JRK: variants seen among roughly 807,000 people sequenced by gnomAD.
JRK encodes jerky protein homolog.
For missense variants in JRK, 720 were observed against 509.2 expected, an observed-to-expected ratio of 1.41 and a Z score of -3.98; for synonymous variants, 303 against 218.1, an observed-to-expected ratio of 1.39 and a Z score of -3.43.
downstream of JRK, among the ~76,000 whole-genome samples, chr8:142,652,806 A>G (rs928914318): frequency 6.6e-6 from 1 of 152,242 alleles, no homozygotes; most frequent in South Asian, 2.1e-4. Context: ...TAGCTGGAGA[A>G]GTGGAAGCTG....
Position 142,660,918 on chromosome 8 carries a change from G to A in JRK, c.*3434C>T. 1.0e-6 allele frequency: 1 copy of A among 985,440 alleles called. No individual in the cohort carries two copies. The highest frequency in any genetic ancestry group is 4.7e-5 in the South Asian group (1 of 21,282). The allele number at this position is 985,440 out of a possible 1,614,324, so 61.0% of individuals were successfully genotyped here. ...ACCTCCTCCAAATGGACTTTAACTG[G>A]GGACAACTGATGACAGTCCTCCAAC... On this transcript the variant is annotated 3_prime_UTR_variant, in exon 2 of 2. Transcript: ENST00000612905.
chr8:142,661,457 CAGT>C lies in JRK; in HGVS notation c.*2892_*2894del, dbSNP rs1846913480. 3.0e-6 allele frequency: 3 copies of C among 985,544 alleles called. No homozygotes were observed. Among genetic ancestry groups the C allele is most frequent in the Non-Finnish European group, 3.6e-6 (3 of 830,028 alleles). 61.0% of individuals were successfully genotyped at this position (985,544 alleles called of 1,614,324 possible). A position where few individuals can be genotyped will look rare whatever the true frequency, so the allele number is the denominator to read the frequency against. ...AGGGGTGCCACCCCAAAGATGAAGG[CAGT>C]GGTGGAAAGAGGTTCTATTAGCAGG... On this transcript the variant is annotated 3_prime_UTR_variant, in exon 2 of 2. Coordinates refer to ENST00000612905, the MANE Select transcript of JRK (RefSeq NM_003724.4).
chr8:142,646,455 C>T, the JRK span, among the ~76,000 whole-genome samples: 1 of 152,166 alleles, frequency 6.6e-6, no homozygotes, highest in Non-Finnish European at 1.5e-5. Context: ...AAATCAATAT[C>T]AGTGTCTTAT....
At chr8:142,654,826 G>T (rs1300491847), downstream of JRK, among the ~76,000 whole-genome samples, 1 of 151,798 alleles carries the variant, frequency 6.6e-6, no homozygotes, top group African/African-American at 2.4e-5. Flanking sequence ...AGCTGCCCCA[G>T]GCCCTCCTCA....
Position 142,663,172 on chromosome 8 carries a change from G to T in JRK, c.*1180C>A, listed in dbSNP as rs117093756. ...TGCCTCAAGAAAAGAAAAGGACAAT[G>T]CACCTATTTTATGCTCGCTGAAAGA... On this transcript the variant is annotated 3_prime_UTR_variant, in exon 2 of 2. Transcript: ENST00000612905. 49,482 of 985,132 alleles carry T rather than the reference G, an allele frequency of 0.05. 1,363 individuals are homozygous for T. Among genetic ancestry groups the T allele is most frequent in the Non-Finnish European group, 0.055 (45,717 of 829,696 alleles). The allele number at this position is 985,132 out of a possible 1,614,324, so 61.0% of individuals were successfully genotyped here. A position where few individuals can be genotyped will look rare whatever the true frequency, so the allele number is the denominator to read the frequency against.
At position 142,666,412 on chromosome 8, in the gene JRK, C is replaced by T. The variant is rs1161821173; in HGVS notation, c.-354G>A. 1.7e-5 allele frequency: 7 copies of T among 410,072 alleles called. No individual in the cohort carries two copies. Among genetic ancestry groups the T allele is most frequent in the East Asian group, 5.8e-5 (1 of 17,134 alleles). 25.4% of individuals were successfully genotyped at this position (410,072 alleles called of 1,614,324 possible). ...GCCTTCTCTGTGGATACTATGGCAG[C>T]GGCTCCCCTCAAACTGACCAGGTTT... On this transcript the variant is annotated 5_prime_UTR_variant, in exon 2 of 2. Transcript: ENST00000612905.
chr8:142,648,581 A>G, the JRK span, among the ~76,000 whole-genome samples: 1 of 152,254 alleles, frequency 6.6e-6, no homozygotes, highest in African/African-American at 2.4e-5. Flanking sequence ...CAAGAATTGA[A>G]GTTTGGGAAC....
downstream of JRK, among the ~76,000 whole-genome samples, chr8:142,656,947 C>T (rs1369677567): frequency 6.6e-6 from 1 of 152,110 alleles, no homozygotes; most frequent in Non-Finnish European, 1.5e-5. Context: ...TATCTTGTGC[C>T]CAGCACTGCC....
rs1162354527 is a variant in JRK, at chr8:142,660,006, G to A, written c.*4346C>T. Reference sequence around the variant, plus strand: ...TGACACCACATGGGCAAAGGAGTGGGCGTGTGGGGCTGGGAGCTGGGGCTC... The same window carrying A: ...TGACACCACATGGGCAAAGGAGTGGACGTGTGGGGCTGGGAGCTGGGGCTC... On this transcript the variant is annotated 3_prime_UTR_variant, in exon 2 of 2. Transcript: ENST00000612905. 1.0e-6 allele frequency: 1 copy of A among 985,876 alleles called. No individual in the cohort carries two copies. Among genetic ancestry groups the A allele is most frequent in the Admixed American group, 6.1e-5 (1 of 16,292 alleles). 61.1% of individuals were successfully genotyped at this position (985,876 alleles called of 1,614,324 possible). A position where few individuals can be genotyped will look rare whatever the true frequency, so the allele number is the denominator to read the frequency against.
chr8:142,657,109 T>C (rs1246687283), downstream of JRK, among the ~76,000 whole-genome samples: 2 of 152,162 alleles, frequency 1.3e-5, no homozygotes, highest in Non-Finnish European at 2.9e-5. Context: ...GCTCTCTCCT[T>C]ACAGAAACTG....
In JRK at chr8:142,660,300, C is replaced by A; in HGVS notation, c.*4052G>T. ...GCCTCCCAGGCCACCACCCACCCCT[C>A]ACGGCTGCCACACCCACCAGCCCAT... On this transcript the variant is annotated 3_prime_UTR_variant, in exon 2 of 2. Coordinates refer to ENST00000612905, the MANE Select transcript of JRK (RefSeq NM_003724.4). 3 of 985,760 alleles carry A rather than the reference C, an allele frequency of 3.0e-6. No individual in the cohort carries two copies. Among genetic ancestry groups the A allele is most frequent in the Non-Finnish European group, 3.6e-6 (3 of 830,162 alleles). 61.1% of individuals were successfully genotyped at this position (985,760 alleles called of 1,614,324 possible). A position where few individuals can be genotyped will look rare whatever the true frequency, so the allele number is the denominator to read the frequency against.
chr8:142,667,889 C>T (rs1341445579), intron 1 of JRK, among the ~76,000 whole-genome samples: 11 of 152,244 alleles, frequency 7.2e-5, no homozygotes, highest in African/African-American at 2.7e-4. Context: ...ACCCTCCCTA[C>T]ACCCGAGCCG....
In JRK at chr8:142,658,342, T is replaced by A. The variant is rs113894368; in HGVS notation, c.*6010A>T. 4,193 of 152,382 alleles carry A rather than the reference T, an allele frequency of 0.028. 84 individuals carry two copies. Among genetic ancestry groups the A allele is most frequent in the Non-Finnish European group, 0.045 (3,054 of 68,124 alleles). The allele number at this position is 152,382 out of a possible 1,614,324, so 9.4% of individuals were successfully genotyped here. A position where few individuals can be genotyped will look rare whatever the true frequency, so the allele number is the denominator to read the frequency against. Reference sequence around the variant, plus strand: ...TATCAAAGGCACTGGCAGTCTGGTGTCGGCTGAAGGCTTTCTCATTTGCAG... The same window carrying A: ...TATCAAAGGCACTGGCAGTCTGGTGACGGCTGAAGGCTTTCTCATTTGCAG... On this transcript the variant is annotated 3_prime_UTR_variant, in exon 2 of 2. Coordinates refer to ENST00000612905, the MANE Select transcript of JRK (RefSeq NM_003724.4).
chr8:142,667,818 T>C lies in JRK; in HGVS notation c.-462-1298A>G, dbSNP rs782031640. 2.6e-5 allele frequency among the ~76,000 whole-genome samples: 4 copies of C among 152,156 alleles called. No homozygotes were observed. In the East Asian group the frequency reaches 7.7e-4, roughly 29 times the overall value. On this transcript the variant is annotated intron_variant, in intron 1 of 1. Coordinates refer to ENST00000612905, the MANE Select transcript of JRK (RefSeq NM_003724.4). ...CCTATATAAAGACAATGCGGGTCAT[T>C]CTCATCCCTTCTAGGTGGACAATTT...
chr8:142,653,163 T>G (rs995500180), downstream of JRK, among the ~76,000 whole-genome samples: 2 of 152,110 alleles, frequency 1.3e-5, no homozygotes, highest in Admixed American at 1.3e-4. Context: ...TGGGAGAAAT[T>G]TAGTTTGTAA....
At chr8:142,656,756 G>C (rs1846761105), downstream of JRK, among the ~76,000 whole-genome samples, 1 of 152,160 alleles carries the variant, frequency 6.6e-6, no homozygotes, top group Non-Finnish European at 1.5e-5. Flanking sequence ...TCTGCCGTTT[G>C]GGGTGGGGAC....
chr8:142,651,653 T>C, the JRK span, among the ~76,000 whole-genome samples: 1 of 150,460 alleles, frequency 6.6e-6, no homozygotes. Context: ...TCAAACCCAA[T>C]GGGAAAAAGA....
In JRK at chr8:142,665,865, A is replaced by T. The variant is rs1847109108; in HGVS notation, c.194T>A (p.Phe65Tyr). ...IRAHKAQLLR[F>Y]FASSDSNKAL... ...CTTGTTGGAGTCGGAGCTGGCGAAGAACCGGAGCAGCTGCGCCTTGTGGGC... is the reference window on the plus strand; with the variant it reads ...CTTGTTGGAGTCGGAGCTGGCGAAGTACCGGAGCAGCTGCGCCTTGTGGGC... The change falls in exon 2 of 2, where the codon TTC (phenylalanine) becomes TAC (tyrosine). Residue 65 changes from phenylalanine to tyrosine, a missense_variant. Phe to Tyr is a conservative substitution (Grantham distance 22). Coordinates refer to ENST00000612905, the MANE Select transcript of JRK (RefSeq NM_003724.4). 1 of 781,450 alleles carries T rather than the reference A, an allele frequency of 1.3e-6. No individual in the cohort carries two copies. The highest frequency in any genetic ancestry group is 2.4e-6 in the Non-Finnish European group (1 of 419,538). 48.4% of individuals were successfully genotyped at this position (781,450 alleles called of 1,614,324 possible). A position where few individuals can be genotyped will look rare whatever the true frequency, so the allele number is the denominator to read the frequency against.
At chr8:142,649,860 G>A in the JRK span, among the ~76,000 whole-genome samples, 2 of 152,254 alleles carry the variant, frequency 1.3e-5, no homozygotes, top group Non-Finnish European at 2.9e-5. Context: ...GTGGAGCTGT[G>A]AGAAGATGGC....
Sources: gnomAD v4.1 joint callset for allele counts (sites outside exome capture counted in the v4.1 genomes callset) on GRCh38, gnomAD v4.1.1 for gene constraint, MANE v1.5 for transcripts, NCBI Gene and HGNC (gene_info 2026-07-23, HGNC 2026-07-21) for gene names.